Variants in KIAA1217 observed in about 807,000 individuals in gnomAD.
KIAA1217 encodes KIAA1217.
A neutral mutation model predicts 163.9 loss-of-function variants in KIAA1217; 88 were observed. That is an observed-to-expected ratio of 0.54 (90% CI 0.45 to 0.64). The LOEUF (loss-of-function observed/expected upper bound fraction) is 0.64. KIAA1217 is among the 30% of genes least tolerant of loss of function. The pLI is 0.00. For synonymous variants in KIAA1217, 903 were observed against 923.1 expected (o/e 0.98, Z 0.39); for missense variants, 2,372 against 2,475.0 (o/e 0.96, Z 0.88).
chr10:24,063,978 T>G (rs1044148602), intron 2 of KIAA1217, among the ~76,000 whole-genome samples: 2 of 152,230 alleles, frequency 1.3e-5, no homozygotes, highest in African/African-American at 4.8e-5. Context: ...TTGTGATTTT[T>G]GCACATTGAT....
At chr10:24,388,071 A>G (rs1441696558) in intron 3 of KIAA1217, among the ~76,000 whole-genome samples, 2 of 152,202 alleles carry the variant, frequency 1.3e-5, no homozygotes, top group African/African-American at 4.8e-5. Context: ...GTTCATATGG[A>G]ACCAAAAAAG....
At chr10:23,807,640 C>T (rs1836806132) in intron 1 of KIAA1217, among the ~76,000 whole-genome samples, 1 of 152,220 alleles carries the variant, frequency 6.6e-6, no homozygotes, top group South Asian at 2.1e-4. Flanking sequence ...ATGAATATGG[C>T]TGAGTGAGCT....
At chr10:24,440,688 A>G (rs1018531922) in intron 5 of KIAA1217, among the ~76,000 whole-genome samples, 1 of 152,214 alleles carries the variant, frequency 6.6e-6, no homozygotes, top group South Asian at 2.1e-4. Context: ...GGTTACCCAG[A>G]GCCTACTTTA....
intron 1 of KIAA1217, among the ~76,000 whole-genome samples, chr10:23,779,233 C>T (rs891917448): frequency 8.5e-5 from 13 of 152,148 alleles, no homozygotes; most frequent in Admixed American, 1.3e-4. Flanking sequence ...ACTCCTAGAG[C>T]TTACAGAGGC....
At chr10:24,496,641 A>G (rs527954476) in intron 8 of KIAA1217, among the ~76,000 whole-genome samples, 1 of 152,354 alleles carries the variant, frequency 6.6e-6, no homozygotes, top group South Asian at 2.1e-4. Flanking sequence ...TTACCGCAGC[A>G]TCTAGGGAGA....
chr10:24,060,148 AT>A (rs908522997), intron 2 of KIAA1217, among the ~76,000 whole-genome samples: 10 of 144,230 alleles, frequency 6.9e-5, no homozygotes, highest in South Asian at 2.1e-4. Flanking sequence ...AATCTCATTG[AT>A]TTTTTTTCCT....
intron 1 of KIAA1217, among the ~76,000 whole-genome samples, chr10:23,760,500 G>C (rs1380253928): frequency 9.2e-5 from 14 of 152,206 alleles, no homozygotes; most frequent in Non-Finnish European, 1.5e-5. Context: ...AGTGGACAAT[G>C]TGCAGAAGTT....
chr10:24,413,267 C>A (rs906607772), intron 3 of KIAA1217, among the ~76,000 whole-genome samples: 1 of 152,126 alleles, frequency 6.6e-6, no homozygotes, highest in African/African-American at 2.4e-5. Flanking sequence ...CTCACTGCAA[C>A]CTCCACCTCC....
chr10:24,144,157 C>A (rs564625598), intron 2 of KIAA1217, among the ~76,000 whole-genome samples: 40 of 152,344 alleles, frequency 2.6e-4, no homozygotes, highest in African/African-American at 6.0e-4. Flanking sequence ...TGTGTTTATT[C>A]ATATGTTCAT....
At chr10:23,900,223 C>A (rs1489638356) in intron 1 of KIAA1217, among the ~76,000 whole-genome samples, 1 of 152,030 alleles carries the variant, frequency 6.6e-6, no homozygotes, top group Admixed American at 6.6e-5. Context: ...CCAGGCTGGT[C>A]TTGACCTCCT....
intron 1 of KIAA1217, among the ~76,000 whole-genome samples, chr10:23,889,170 A>G (rs928374862): frequency 2.0e-5 from 3 of 151,854 alleles, no homozygotes; most frequent in African/African-American, 7.2e-5. Context: ...AGATGTTTTC[A>G]TTGCTCTTAG....
chr10:23,860,883 T>C (rs1408976265), intron 1 of KIAA1217, among the ~76,000 whole-genome samples: 2 of 151,954 alleles, frequency 1.3e-5, no homozygotes, highest in Non-Finnish European at 2.9e-5. Flanking sequence ...CCTCTCTTTT[T>C]CTTTCCTTCT....
chr10:24,056,944 A>G (rs1347227520), intron 2 of KIAA1217, among the ~76,000 whole-genome samples: 1 of 152,246 alleles, frequency 6.6e-6, no homozygotes, highest in Non-Finnish European at 1.5e-5. Context: ...ATTAAAATTC[A>G]GAGTAAATAC....
chr10:24,161,992 T>C (rs1472328501), intron 2 of KIAA1217, among the ~76,000 whole-genome samples: 3 of 152,200 alleles, frequency 2.0e-5, no homozygotes, highest in Non-Finnish European at 4.4e-5. Flanking sequence ...AGATGCAGTC[T>C]AGCAGAAAAA....
chr10:24,490,954 C>A (rs2066036651), intron 6 of KIAA1217, among the ~76,000 whole-genome samples: 1 of 152,180 alleles, frequency 6.6e-6, no homozygotes, highest in Non-Finnish European at 1.5e-5. Flanking sequence ...GTGCATATAG[C>A]CCTTTTGTTC....
chr10:24,265,106 C>T (rs1201819919), intron 2 of KIAA1217, among the ~76,000 whole-genome samples: 15 of 152,114 alleles, frequency 9.9e-5, no homozygotes, highest in Admixed American at 4.6e-4. Context: ...TCAAGCAATC[C>T]GCCCACCTTG....
At chr10:24,295,525 C>T (rs2040487128) in intron 2 of KIAA1217, among the ~76,000 whole-genome samples, 1 of 152,172 alleles carries the variant, frequency 6.6e-6, no homozygotes, top group Admixed American at 6.6e-5. Context: ...GTTTGTTTCT[C>T]CCACTGCTCT....
At chr10:24,439,248 A>G (rs141066671) in intron 5 of KIAA1217, among the ~76,000 whole-genome samples, 3,222 of 152,278 alleles carry the variant, frequency 0.021, 59 homozygotes, top group Non-Finnish European at 0.03. Flanking sequence ...TAAAAAGAAG[A>G]TTAGCTTCTC....
At chr10:23,703,326 G>T (rs1035143776) in intron 1 of KIAA1217, among the ~76,000 whole-genome samples, 2 of 152,084 alleles carry the variant, frequency 1.3e-5, no homozygotes, top group Admixed American at 1.3e-4. Flanking sequence ...TTGCAAGAAC[G>T]GGACATTGCC....
Sources: gnomAD v4.1 joint callset for allele counts (sites outside exome capture counted in the v4.1 genomes callset) on GRCh38, gnomAD v4.1.1 for gene constraint, MANE v1.5 for transcripts, NCBI Gene and HGNC (gene_info 2026-07-23, HGNC 2026-07-21) for gene names.